The following PCDH9 variants were observed in gnomAD, a reference collection of about 807,000 sequenced individuals.
The protein encoded by PCDH9 is protocadherin-9.
In PCDH9, 24 loss-of-function variants were observed where a neutral mutation model predicts 70.6. The observed-to-expected ratio is 0.34, with a 90% CI of 0.25 to 0.48. PCDH9 has a LOEUF of 0.48. Among genes scored for constraint, PCDH9 ranks in the 20% least tolerant of loss-of-function variants. The pLI is 0.99. For synonymous variants in PCDH9, 562 were observed against 558.5 expected (o/e 1.01, Z -0.09); for missense variants, 1,281 against 1,503.6 (o/e 0.85, Z 2.45).
intron 3 of PCDH9, among the ~76,000 whole-genome samples, chr13:66,648,512 C>A (rs190981369): frequency 1.7e-4 from 26 of 152,182 alleles, no homozygotes; most frequent in Admixed American, 2.6e-4. Context: ...CCTTGGGGTG[C>A]CCCCTAATGC....
chr13:66,352,841 T>A (rs1465791384), intron 4 of PCDH9, among the ~76,000 whole-genome samples: 1 of 152,216 alleles, frequency 6.6e-6, no homozygotes, highest in African/African-American at 2.4e-5. Context: ...AAAATAAAAC[T>A]GTTAGTTGAC....
chr13:67,063,334 A>G (rs1033663468), intron 2 of PCDH9, among the ~76,000 whole-genome samples: 1 of 152,146 alleles, frequency 6.6e-6, no homozygotes, highest in African/African-American at 2.4e-5. Context: ...CCACAAAAAA[A>G]GCCAGGAAGT....
intron 3 of PCDH9, among the ~76,000 whole-genome samples, chr13:66,698,881 C>T (rs1390448772): frequency 6.7e-6 from 1 of 149,590 alleles, no homozygotes; most frequent in South Asian, 2.1e-4. Flanking sequence ...GACACTTCGC[C>T]CGGCTCAATT....
intron 2 of PCDH9, among the ~76,000 whole-genome samples, chr13:66,907,899 T>G (rs1183794132): frequency 6.6e-6 from 1 of 152,192 alleles, no homozygotes; most frequent in African/African-American, 2.4e-5. Flanking sequence ...AATAGTTTTG[T>G]ACTTTTGTGC....
intron 2 of PCDH9, among the ~76,000 whole-genome samples, chr13:67,061,207 T>A (rs183365022): frequency 2.8e-4 from 42 of 152,192 alleles, no homozygotes; most frequent in African/African-American, 1.0e-3. Flanking sequence ...TCCTACTGTT[T>A]CCATTACCCT....
intron 4 of PCDH9, among the ~76,000 whole-genome samples, chr13:66,492,411 CAT>C (rs1228009854): frequency 6.7e-6 from 1 of 148,792 alleles, no homozygotes; most frequent in Non-Finnish European, 1.5e-5. Context: ...CACACACACA[CAT>C]ATATGTAACC....
At chr13:66,791,875 C>T (rs1425232726) in intron 3 of PCDH9, among the ~76,000 whole-genome samples, 1 of 152,106 alleles carries the variant, frequency 6.6e-6, no homozygotes, top group African/African-American at 2.4e-5. Flanking sequence ...GATATACACT[C>T]TGTATACCAC....
chr13:67,052,698 G>C (rs1460924298), intron 2 of PCDH9, among the ~76,000 whole-genome samples: 1 of 152,126 alleles, frequency 6.6e-6, no homozygotes, highest in Non-Finnish European at 1.5e-5. Context: ...ACTTAGGGAA[G>C]TGAGATTTTT....
chr13:66,645,742 T>A (rs2138976188), intron 3 of PCDH9, among the ~76,000 whole-genome samples: 1 of 152,280 alleles, frequency 6.6e-6, no homozygotes, highest in African/African-American at 2.4e-5. Context: ...AGAGACCCTG[T>A]TAGATATTGA....
At chr13:66,787,646 C>T (rs1157780132) in intron 3 of PCDH9, among the ~76,000 whole-genome samples, 4 of 151,928 alleles carry the variant, frequency 2.6e-5, no homozygotes, top group Non-Finnish European at 4.4e-5. Flanking sequence ...AAAGATAACA[C>T]TGAATCTGCA....
At chr13:66,799,257 T>A (rs2080290666) in intron 3 of PCDH9, among the ~76,000 whole-genome samples, 1 of 152,140 alleles carries the variant, frequency 6.6e-6, no homozygotes, top group Non-Finnish European at 1.5e-5. Context: ...TTGGAGATAG[T>A]CTATGCGGTC....
At chr13:66,924,205 G>A (rs939948732) in intron 2 of PCDH9, among the ~76,000 whole-genome samples, 2 of 151,732 alleles carry the variant, frequency 1.3e-5, no homozygotes, top group Middle Eastern at 6.8e-3. Flanking sequence ...AAATCAAATC[G>A]CTGGTGTTAT....
At chr13:66,375,882 A>G (rs1033654966) in intron 4 of PCDH9, among the ~76,000 whole-genome samples, 1 of 152,108 alleles carries the variant, frequency 6.6e-6, no homozygotes, top group Non-Finnish European at 1.5e-5. Context: ...GCTTCACGAG[A>G]TAATTAAAGC....
chr13:67,064,460 G>A (rs1353418340), intron 2 of PCDH9, among the ~76,000 whole-genome samples: 2 of 151,972 alleles, frequency 1.3e-5, no homozygotes. Flanking sequence ...AAATAATAAG[G>A]AATAACTATT....
At chr13:66,445,772 T>C (rs2138414999) in intron 4 of PCDH9, among the ~76,000 whole-genome samples, 1 of 146,206 alleles carries the variant, frequency 6.8e-6, no homozygotes, top group African/African-American at 2.5e-5. Context: ...TACACATATA[T>C]ATTATATATA....
chr13:66,887,491 A>G (rs1422134987), intron 3 of PCDH9, among the ~76,000 whole-genome samples: 1 of 152,202 alleles, frequency 6.6e-6, no homozygotes, highest in Admixed American at 6.5e-5. Flanking sequence ...TAGTAAAGGC[A>G]TTTTGAAATT....
At chr13:66,391,908 T>C (rs1468422380) in intron 4 of PCDH9, among the ~76,000 whole-genome samples, 3 of 114,438 alleles carry the variant, frequency 2.6e-5, no homozygotes, top group Non-Finnish European at 5.7e-5. Flanking sequence ...ATATATATGT[T>C]TGTGCATACA....
chr13:66,323,113 T>G (rs942959535), intron 4 of PCDH9: 1 of 152,052 alleles, frequency 6.6e-6, no homozygotes, highest in African/African-American at 2.4e-5. Context: ...AGATGTTAAT[T>G]GTGATATGTA....
At chr13:67,219,489 A>C (rs970485860) in intron 2 of PCDH9, 1 of 152,146 alleles carries the variant, frequency 6.6e-6, no homozygotes, top group African/African-American at 2.4e-5. Context: ...TTACTTCTGT[A>C]GTATAATGTA....
Sources: gnomAD v4.1 joint callset for allele counts (sites outside exome capture counted in the v4.1 genomes callset) on GRCh38, gnomAD v4.1.1 for gene constraint, MANE v1.5 for transcripts, NCBI Gene and HGNC (gene_info 2026-07-23, HGNC 2026-07-21) for gene names.